The following ABLIM1 variants were observed in gnomAD, a reference collection of about 807,000 sequenced individuals.
The protein encoded by ABLIM1 is actin binding LIM protein 1.
In ABLIM1, 40 loss-of-function variants were observed where a neutral mutation model predicts 107.0. The ratio of observed to expected loss-of-function variants is 0.37; its 90% CI spans 0.29 to 0.49. The LOEUF (loss-of-function observed/expected upper bound fraction) is 0.49, where lower values mean the gene tolerates loss of function less well. Ranked by LOEUF, ABLIM1 falls within the 20% of genes least tolerant of loss-of-function variation. The pLI is 0.97. For missense variants in ABLIM1, 857 were observed against 1,008.5 expected (o/e 0.85, Z 2.04); for synonymous variants, 357 against 357.3 (o/e 1.00, Z 0.01).
rs575776431 is a variant in ABLIM1, at chr10:114,724,612, G to A, written c.-213+43449C>T. On this transcript the variant is annotated intron_variant, in intron 1 of 15. Coordinates refer to the ABLIM1 transcript ENST00000651092. ...GGCTCTACTGAAAGGTATTTATTTTGTAATTAATTCTTTCAAGGCCTTCCA... is the reference window on the plus strand; with the variant it reads ...GGCTCTACTGAAAGGTATTTATTTTATAATTAATTCTTTCAAGGCCTTCCA... Among the ~76,000 whole-genome samples, 9 of 152,222 alleles carry A rather than the reference G, an allele frequency of 5.9e-5. No individual in the cohort carries two copies. The East Asian group carries it at 1.7e-3, about 29-fold the overall frequency.
intron 1 of ABLIM1, among the ~76,000 whole-genome samples, chr10:114,610,407 C>A (rs142929002): frequency 6.6e-6 from 1 of 152,286 alleles, no homozygotes; most frequent in African/African-American, 2.4e-5. Flanking sequence ...GTCCTATTCT[C>A]ATGGCAGTCT....
intron 12 of ABLIM1, 103 bp downstream of exon 12, chr10:114,465,595 A>T (rs1016655743): frequency 6.9e-6 from 10 of 1,440,068 alleles, no homozygotes; most frequent in African/African-American, 1.4e-5. Flanking sequence ...GAGGGATGGA[A>T]ATGTTTAGTC....
chr10:114,493,870 C>A (rs917664893), intron 6 of ABLIM1, among the ~76,000 whole-genome samples: 1 of 152,228 alleles, frequency 6.6e-6, no homozygotes, highest in Non-Finnish European at 1.5e-5. Flanking sequence ...TAAATACCCA[C>A]AGGAATTTTC....
At chr10:114,771,578 C>G (rs911287969), upstream of ABLIM1, among the ~76,000 whole-genome samples, 3 of 152,190 alleles carry the variant, frequency 2.0e-5, no homozygotes, top group African/African-American at 7.2e-5. Flanking sequence ...TTTCTATAAT[C>G]TCAGAAATCT....
chr10:114,733,378 A>G (rs984068520), intron 1 of ABLIM1, among the ~76,000 whole-genome samples: 18 of 152,224 alleles, frequency 1.2e-4, no homozygotes, highest in Admixed American at 6.5e-5. Flanking sequence ...CCTAATGCTC[A>G]TGGGGCTTGA....
At chr10:114,452,736 CT>C (rs1240904025) in intron 13 of ABLIM1, among the ~76,000 whole-genome samples, 1 of 152,142 alleles carries the variant, frequency 6.6e-6, no homozygotes, top group African/African-American at 2.4e-5. Flanking sequence ...TTAATGGGCT[CT>C]GATTATTTCA....
intron 1 of ABLIM1, among the ~76,000 whole-genome samples, chr10:114,738,508 ATAC>A (rs2082226846): frequency 6.6e-6 from 1 of 152,242 alleles, no homozygotes; most frequent in African/African-American, 2.4e-5. Context: ...GCAGCACTTT[ATAC>A]TCTCTAGTCA....
At chr10:114,705,986 C>G (rs959661229) in intron 1 of ABLIM1, among the ~76,000 whole-genome samples, 5 of 152,154 alleles carry the variant, frequency 3.3e-5, no homozygotes, top group African/African-American at 1.2e-4. Flanking sequence ...ACAAGGCAGT[C>G]ATCATTCTTA....
intron 4 of ABLIM1, among the ~76,000 whole-genome samples, chr10:114,571,095 C>G (rs184928834): frequency 6.6e-6 from 1 of 152,318 alleles, no homozygotes; most frequent in African/African-American, 2.4e-5. Flanking sequence ...TTTTGATTTG[C>G]ATTTCCCTGA....
chr10:114,627,888 C>T (rs1412899847), intron 1 of ABLIM1, among the ~76,000 whole-genome samples: 2 of 152,044 alleles, frequency 1.3e-5, no homozygotes, highest in African/African-American at 2.4e-5. Flanking sequence ...TTTGGGAGGC[C>T]GAGGCGGGTG....
upstream of ABLIM1, among the ~76,000 whole-genome samples, chr10:114,662,902 T>C (rs2079854297): frequency 6.6e-6 from 1 of 152,230 alleles, no homozygotes; most frequent in African/African-American, 2.4e-5. Context: ...AGGCTTGGAA[T>C]GACTTCAAGG....
chr10:114,665,958 G>T (rs896510954), intron 1 of ABLIM1, among the ~76,000 whole-genome samples: 11 of 152,196 alleles, frequency 7.2e-5, no homozygotes, highest in African/African-American at 2.7e-4. Context: ...AGTTATAGAA[G>T]GTTTTAGAAT....
At chr10:114,468,554 G>A (rs1025797375) in intron 10 of ABLIM1, among the ~76,000 whole-genome samples, 5 of 151,974 alleles carry the variant, frequency 3.3e-5, no homozygotes, top group Admixed American at 6.6e-5. Context: ...GATTACAGGC[G>A]TGAGCCACCG....
exon 1 of ABLIM1, chr10:114,684,761 G>C (rs2080889744): frequency 2.0e-6 from 2 of 983,992 alleles, no homozygotes; most frequent in Non-Finnish European, 2.4e-6. Flanking sequence ...TCCAGATTTT[G>C]ATCACTATCA....
chr10:114,793,324 C>G, the ABLIM1 span, among the ~76,000 whole-genome samples: 1 of 151,816 alleles, frequency 6.6e-6, no homozygotes, highest in Admixed American at 6.6e-5. Context: ...TCTGAAAGTG[C>G]GTGGCACCTT....
chr10:114,783,867 G>A, the ABLIM1 span, among the ~76,000 whole-genome samples: 15 of 152,090 alleles, frequency 9.9e-5, no homozygotes, highest in East Asian at 1.9e-4. Flanking sequence ...CTCCTGCAGC[G>A]TGCCAGGGCA....
upstream of ABLIM1, among the ~76,000 whole-genome samples, chr10:114,689,363 G>GGT (rs1305300531): frequency 3.3e-5 from 4 of 120,246 alleles, no homozygotes; most frequent in South Asian, 5.9e-4. Context: ...TTTGTATATT[G>GGT]GTTTTTTTTT....
rs1238968800 is a variant in ABLIM1, at chr10:114,679,689, A to T, written c.64+4601T>A. 2.6e-5 allele frequency among the ~76,000 whole-genome samples: 4 copies of T among 151,900 alleles called. No homozygotes were observed. In the East Asian group the frequency reaches 7.8e-4, roughly 29 times the overall value. Reference sequence around the variant, plus strand: ...AAACCTTTTAATAAATTGCATGTTTATTCAACCATGAAACATAAAAATGCA... The same window carrying T: ...AAACCTTTTAATAAATTGCATGTTTTTTCAACCATGAAACATAAAAATGCA... On this transcript the variant is annotated intron_variant, in intron 1 of 23. Transcript: ENST00000369256.
chr10:114,471,279 G>C (rs555517281), intron 10 of ABLIM1, among the ~76,000 whole-genome samples: 2 of 152,136 alleles, frequency 1.3e-5, no homozygotes, highest in African/African-American at 4.8e-5. Flanking sequence ...TGGAGCTGCT[G>C]GGAAACGCAC....
Sources: gnomAD v4.1 joint callset for allele counts (sites outside exome capture counted in the v4.1 genomes callset) on GRCh38, gnomAD v4.1.1 for gene constraint, MANE v1.5 for transcripts, NCBI Gene and HGNC (gene_info 2026-07-23, HGNC 2026-07-21) for gene names.